The following ABL2 variants were observed in gnomAD, a reference collection of about 807,000 sequenced individuals.
ABL2 encodes the protein ABL proto-oncogene 2, non-receptor tyrosine kinase.
In ABL2, 49 loss-of-function variants were observed where a neutral mutation model predicts 107.7. The ratio of observed to expected loss-of-function variants is 0.45; its 90% CI spans 0.36 to 0.58. The LOEUF (loss-of-function observed/expected upper bound fraction) is 0.58, where lower values mean the gene tolerates loss of function less well. Among genes scored for constraint, ABL2 ranks in the 20% least tolerant of loss-of-function variants. ABL2 has a pLI of 0.00. For synonymous variants in ABL2, 549 were observed against 548.6 expected, an observed-to-expected ratio of 1.00 and a Z score of -0.01; for missense variants, 1,245 against 1,457.0, an observed-to-expected ratio of 0.85 and a Z score of 2.37.
intron 10 of ABL2, chr1:179,110,947 A>T: frequency 7.3e-7 from 1 of 1,371,108 alleles, no homozygotes; most frequent in Non-Finnish European, 1.0e-6. Flanking sequence ...GTTACTCTGC[A>T]TGCTTGCTAA....
intron 1 of ABL2, among the ~76,000 whole-genome samples, chr1:179,168,683 C>T (rs1300646057): frequency 6.6e-6 from 1 of 152,156 alleles, no homozygotes; most frequent in East Asian, 1.9e-4. Flanking sequence ...GACTCACCAC[C>T]TGCTTGTACA....
At position 179,101,799 on chromosome 1, in the gene ABL2, G is replaced by A; in HGVS notation, c.*5919C>T. 5.3e-6 allele frequency: 1 copy of A among 189,612 alleles called. No individual in the cohort carries two copies. The highest frequency in any genetic ancestry group is 2.3e-5 in the African/African-American group (1 of 42,926). 11.7% of individuals were successfully genotyped at this position (189,612 alleles called of 1,614,324 possible). A position where few individuals can be genotyped will look rare whatever the true frequency, so the allele number is the denominator to read the frequency against. ...GAGACAGGCTGGACTGAGTCATGGG[G>A]GTGAGTGCTCCAGAGTAGGCTGTAG... On this transcript the variant is annotated 3_prime_UTR_variant, in exon 12 of 12. Coordinates refer to ENST00000502732, the MANE Select transcript of ABL2 (RefSeq NM_007314.4).
chr1:179,105,506 A>G lies in ABL2; in HGVS notation c.*2212T>C. Reference sequence around the variant, plus strand: ...GACATGTATGATGAGCAAGAATGGCAGGAAAGAAGGTGGGAGAAGGACCGC... The same window carrying G: ...GACATGTATGATGAGCAAGAATGGCGGGAAAGAAGGTGGGAGAAGGACCGC... On this transcript the variant is annotated 3_prime_UTR_variant, in exon 12 of 12. Coordinates refer to ENST00000502732, the MANE Select transcript of ABL2 (RefSeq NM_007314.4). The G allele has an allele frequency of 8.7e-6, 2 of 229,498 alleles. No individual in the cohort carries two copies. Among genetic ancestry groups the G allele is most frequent in the Non-Finnish European group, 1.7e-5 (2 of 115,662 alleles). 14.2% of individuals were successfully genotyped at this position (229,498 alleles called of 1,614,324 possible). A position where few individuals can be genotyped will look rare whatever the true frequency, so the allele number is the denominator to read the frequency against.
chr1:179,163,406 C>T (rs1659191782), intron 1 of ABL2, among the ~76,000 whole-genome samples: 1 of 152,174 alleles, frequency 6.6e-6, no homozygotes, highest in Non-Finnish European at 1.5e-5. Flanking sequence ...AACTTAAGTT[C>T]ACACAAAAAC....
intron 1 of ABL2, among the ~76,000 whole-genome samples, chr1:179,209,150 T>A (rs952567397): frequency 6.6e-6 from 1 of 152,184 alleles, no homozygotes; most frequent in Non-Finnish European, 1.5e-5. Flanking sequence ...AAGCAGACCA[T>A]AGAAGAATTA....
chr1:179,170,457 C>T (rs1406412694), intron 1 of ABL2, among the ~76,000 whole-genome samples: 1 of 151,942 alleles, frequency 6.6e-6, no homozygotes, highest in Non-Finnish European at 1.5e-5. Flanking sequence ...TATTCTGTCA[C>T]CCAGGCTGGA....
intron 5 of ABL2, 29 bp from the exon 6 acceptor site, chr1:179,120,303 A>G: frequency 6.9e-7 from 1 of 1,445,486 alleles, no homozygotes; most frequent in Non-Finnish European, 9.7e-7. Flanking sequence ...AAGAAAGAAG[A>G]AAACGAGAGG....
At chr1:179,166,182 A>T (rs1241597264) in intron 1 of ABL2, among the ~76,000 whole-genome samples, 3 of 152,144 alleles carry the variant, frequency 2.0e-5, no homozygotes, top group Admixed American at 2.0e-4. Flanking sequence ...ACATTGATCT[A>T]GGCAAAGATT....
At chr1:179,212,082 C>T (rs1662306850) in intron 1 of ABL2, among the ~76,000 whole-genome samples, 1 of 152,160 alleles carries the variant, frequency 6.6e-6, no homozygotes, top group African/African-American at 2.4e-5. Flanking sequence ...TGGAAGGCAC[C>T]TCTTCACAGG....
At chr1:179,169,629 C>G (rs1381341361) in intron 1 of ABL2, among the ~76,000 whole-genome samples, 1 of 151,682 alleles carries the variant, frequency 6.6e-6, no homozygotes, top group African/African-American at 2.4e-5. Flanking sequence ...AGGAAATAAC[C>G]TGAGGTAGTT....
chr1:179,165,290 C>T (rs566406614), intron 1 of ABL2, among the ~76,000 whole-genome samples: 11 of 152,138 alleles, frequency 7.2e-5, no homozygotes, highest in Non-Finnish European at 1.3e-4. Context: ...ATCTGTGTCC[C>T]CATGTACCAC....
chr1:179,196,796 A>C (rs1661336603), intron 1 of ABL2, among the ~76,000 whole-genome samples: 1 of 151,882 alleles, frequency 6.6e-6, no homozygotes, highest in African/African-American at 2.4e-5. Flanking sequence ...CAAAAAAAAA[A>C]ACCCCACTGA....
At chr1:179,139,889 G>C (rs961452082) in intron 1 of ABL2, among the ~76,000 whole-genome samples, 1 of 152,170 alleles carries the variant, frequency 6.6e-6, no homozygotes, top group Non-Finnish European at 1.5e-5. Context: ...AGGTGGAACA[G>C]TTTCATGTGA....
At chr1:179,119,135 T>C (rs1485778152) in intron 6 of ABL2, among the ~76,000 whole-genome samples, 2 of 152,106 alleles carry the variant, frequency 1.3e-5, no homozygotes, top group Admixed American at 1.3e-4. Flanking sequence ...GTAATAGCAA[T>C]TGTGCACAAG....
At chr1:179,163,117 C>A (rs1269426254) in intron 1 of ABL2, among the ~76,000 whole-genome samples, 2 of 152,062 alleles carry the variant, frequency 1.3e-5, no homozygotes, top group African/African-American at 4.8e-5. Context: ...ATACAAATAG[C>A]AAATAAGCAC....
At chr1:179,166,451 A>C (rs1488285824) in intron 1 of ABL2, among the ~76,000 whole-genome samples, 2 of 151,844 alleles carry the variant, frequency 1.3e-5, no homozygotes, top group African/African-American at 4.8e-5. Flanking sequence ...AAGGACATGG[A>C]TAGACATTTC....
rs1379658246 is a variant in ABL2 at position 179,126,268 on chromosome 1, A to G, written c.687+109T>C. On this transcript the variant is annotated intron_variant, in intron 4 of 11. Coordinates refer to ENST00000502732, the MANE Select transcript of ABL2 (RefSeq NM_007314.4). The surrounding 1 kb of genome is among the most constrained non-coding windows in gnomAD (Gnocchi z 4.4). ...GCCCAAACTCACAAAGCTAGTGAATATTTTATTTCACGTCAGACATAAAAT... is the reference window on the plus strand; with the variant it reads ...GCCCAAACTCACAAAGCTAGTGAATGTTTTATTTCACGTCAGACATAAAAT... 1 of 1,296,000 alleles carries G rather than the reference A, an allele frequency of 7.7e-7. No homozygotes were observed. The highest frequency in any genetic ancestry group is 1.1e-6 in the Non-Finnish European group (1 of 945,376). 80.3% of individuals were successfully genotyped at this position (1,296,000 alleles called of 1,614,324 possible).
chr1:179,162,498 T>C (rs1280808201), intron 1 of ABL2, among the ~76,000 whole-genome samples: 1 of 152,018 alleles, frequency 6.6e-6, no homozygotes, highest in East Asian at 1.9e-4. Flanking sequence ...GGCAGGAGAA[T>C]TGCTTGAACC....
chr1:179,219,532 A>T (rs975066004), intron 1 of ABL2, among the ~76,000 whole-genome samples: 2 of 152,260 alleles, frequency 1.3e-5, no homozygotes, highest in African/African-American at 4.8e-5. Flanking sequence ...TTAAATTTGC[A>T]TTGGCCAGTG....
Sources: allele counts gnomAD v4.1 joint callset (sites outside exome capture counted in the v4.1 genomes callset), GRCh38; gene constraint gnomAD v4.1.1; non-coding constraint Gnocchi (gnomAD v3.1); transcripts MANE v1.5; gene names NCBI Gene and HGNC (gene_info 2026-07-23, HGNC 2026-07-21).